ABTB3: variants seen among roughly 807,000 people sequenced by gnomAD.
ABTB3 encodes the protein ankyrin repeat and BTB domain containing 3.
chr12:107,526,077 A>C, the ABTB3 span, among the ~76,000 whole-genome samples: 8 of 152,324 alleles, frequency 5.3e-5, no homozygotes, highest in East Asian at 1.3e-3. Flanking sequence ...TTGAATGTCA[A>C]ATGAATAATG....
the ABTB3 span, among the ~76,000 whole-genome samples, chr12:107,337,737 C>T: frequency 6.6e-6 from 1 of 152,206 alleles, no homozygotes; most frequent in Non-Finnish European, 1.5e-5. Context: ...GTTGAAAGTT[C>T]CTTCAATGCT....
the ABTB3 span, among the ~76,000 whole-genome samples, chr12:107,411,280 C>T: frequency 6.6e-6 from 1 of 152,200 alleles, no homozygotes; most frequent in Non-Finnish European, 1.5e-5. Context: ...AGCCTGGCAA[C>T]AGAGCGAGAC....
At chr12:107,610,731 G>A in the ABTB3 span, among the ~76,000 whole-genome samples, 2 of 152,072 alleles carry the variant, frequency 1.3e-5, no homozygotes, top group Non-Finnish European at 2.9e-5. Context: ...TCCTGCACAG[G>A]ACAAGCCCAG....
the ABTB3 span, among the ~76,000 whole-genome samples, chr12:107,600,571 G>A: frequency 1.3e-5 from 2 of 152,174 alleles, no homozygotes; most frequent in Non-Finnish European, 2.9e-5. Flanking sequence ...GAACGGGGCT[G>A]CATCCTCTCA....
the ABTB3 span, among the ~76,000 whole-genome samples, chr12:107,500,495 G>A: frequency 6.6e-6 from 1 of 152,206 alleles, no homozygotes; most frequent in South Asian, 2.1e-4. Context: ...CGCCTCACTT[G>A]GGTTACAAAG....
the ABTB3 span, among the ~76,000 whole-genome samples, chr12:107,373,865 C>G: frequency 1.3e-5 from 2 of 152,332 alleles, no homozygotes; most frequent in African/African-American, 4.8e-5. Context: ...TCAGTAAATA[C>G]TTGTGGGGGA....
At chr12:107,524,000 C>T in the ABTB3 span, among the ~76,000 whole-genome samples, 3 of 152,184 alleles carry the variant, frequency 2.0e-5, no homozygotes, top group African/African-American at 4.8e-5. Context: ...TGGGGCCCTG[C>T]GTAATTCTGG....
At chr12:107,589,650 G>A in the ABTB3 span, among the ~76,000 whole-genome samples, 10 of 152,262 alleles carry the variant, frequency 6.6e-5, no homozygotes, top group Admixed American at 6.5e-4. Flanking sequence ...GCTGGGCCTT[G>A]TCCCAAGTGA....
chr12:107,319,686 A>T, the ABTB3 span: 1 of 1,534,158 alleles, frequency 6.5e-7, no homozygotes, highest in Non-Finnish European at 8.7e-7. Context: ...CGGGACATCT[A>T]CTCGCGGGTC....
At chr12:107,419,259 G>T in the ABTB3 span, among the ~76,000 whole-genome samples, 10 of 152,236 alleles carry the variant, frequency 6.6e-5, no homozygotes, top group African/African-American at 2.4e-4. Context: ...AGACATGTTT[G>T]TTCTGTGACC....
the ABTB3 span, among the ~76,000 whole-genome samples, chr12:107,453,536 G>A: frequency 6.6e-6 from 1 of 152,196 alleles, no homozygotes; most frequent in East Asian, 1.9e-4. Context: ...AAATCTGCTG[G>A]TGCCTTGGTT....
chr12:107,474,973 G>GCT, the ABTB3 span, among the ~76,000 whole-genome samples: 1 of 152,110 alleles, frequency 6.6e-6, no homozygotes, highest in African/African-American at 2.4e-5. Flanking sequence ...AAGGGGCTGA[G>GCT]CTCTCCTGAC....
At chr12:107,513,828 A>C in the ABTB3 span, among the ~76,000 whole-genome samples, 1 of 152,228 alleles carries the variant, frequency 6.6e-6, no homozygotes, top group Admixed American at 6.5e-5. Flanking sequence ...TCAGAGACAC[A>C]GTGCCAGACA....
the ABTB3 span, among the ~76,000 whole-genome samples, chr12:107,639,817 A>G: frequency 6.6e-6 from 1 of 152,262 alleles, no homozygotes; most frequent in African/African-American, 2.4e-5. Context: ...GTTGCATATC[A>G]TAAGTGCTCA....
At chr12:107,416,457 C>T in the ABTB3 span, among the ~76,000 whole-genome samples, 1 of 152,158 alleles carries the variant, frequency 6.6e-6, no homozygotes, top group Admixed American at 6.5e-5. Flanking sequence ...GGATGAACCC[C>T]TGAGGCCCTG....
chr12:107,416,925 G>A, the ABTB3 span, among the ~76,000 whole-genome samples: 5 of 152,182 alleles, frequency 3.3e-5, no homozygotes, highest in South Asian at 1.0e-3. Flanking sequence ...GAGCCACCGT[G>A]CCCAGCCACC....
the ABTB3 span, among the ~76,000 whole-genome samples, chr12:107,515,797 C>T: frequency 6.6e-6 from 1 of 152,098 alleles, no homozygotes; most frequent in African/African-American, 2.4e-5. Context: ...TAAAGTACAG[C>T]ACTAGGTAGT....
the ABTB3 span, chr12:107,640,297 C>A: frequency 6.8e-7 from 1 of 1,463,034 alleles, no homozygotes; most frequent in Non-Finnish European, 9.4e-7. Context: ...CTTTTTTTCC[C>A]TTTCCTATTC....
At chr12:107,416,719 G>A in the ABTB3 span, among the ~76,000 whole-genome samples, 1 of 152,260 alleles carries the variant, frequency 6.6e-6, no homozygotes, top group East Asian at 1.9e-4. Context: ...AGAGTGCAGT[G>A]GCACAATCAA....
Sources: allele counts gnomAD v4.1 joint callset (sites outside exome capture counted in the v4.1 genomes callset), GRCh38; gene constraint gnomAD v4.1.1; transcripts MANE v1.5; gene names NCBI Gene and HGNC (gene_info 2026-07-23, HGNC 2026-07-21).